Variants in NOS1 observed in about 807,000 individuals in gnomAD.
The protein encoded by NOS1 is NOS type I.
NOS1 carries 51 observed loss-of-function variants against 164.5 expected under a neutral mutation model. The observed-to-expected ratio is 0.31, with a 90% confidence interval of 0.25 to 0.39. The LOEUF is 0.39. NOS1 is among the 10% of genes least tolerant of loss of function. The pLI, the probability that NOS1 is intolerant of heterozygous loss-of-function variation, is 1.00. For synonymous variants in NOS1, 719 were observed against 745.8 expected (o/e 0.96, Z 0.59); for missense variants, 1,362 against 1,885.6 (o/e 0.72, Z 5.14).
At chr12:117,344,326 T>C (rs542022451) in intron 1 of NOS1, among the ~76,000 whole-genome samples, 1 of 152,364 alleles carries the variant, frequency 6.6e-6, no homozygotes, top group East Asian at 1.9e-4. Flanking sequence ...TCACACTGAG[T>C]ACTTATTAGG....
intron 28 of NOS1, 146 bp downstream of exon 28, chr12:117,217,900 G>A: frequency 1.4e-6 from 1 of 691,146 alleles, no homozygotes. Flanking sequence ...GGGTGGTCTG[G>A]GAATTTGCAT....
intron 1 of NOS1, among the ~76,000 whole-genome samples, chr12:117,335,729 TGAGAGAGAGAGAGAGAGAGAGAGAGAGA>T (rs60613906): frequency 8.9e-6 from 1 of 112,540 alleles, no homozygotes; most frequent in Non-Finnish European, 1.8e-5. Context: ...ACAGACTATA[TGAGAGAGAGAGAGAGAGAGAGAGAGAGA>T]GAGAGAGAGA....
At chr12:117,354,352 C>A (rs1239728565) in intron 1 of NOS1, among the ~76,000 whole-genome samples, 2 of 152,170 alleles carry the variant, frequency 1.3e-5, no homozygotes, top group Non-Finnish European at 2.9e-5. Flanking sequence ...ATTTCAGTGA[C>A]TACCATGATA....
intron 7 of NOS1, among the ~76,000 whole-genome samples, chr12:117,281,274 C>A (rs1592983815): frequency 1.3e-5 from 2 of 152,286 alleles, no homozygotes; most frequent in Non-Finnish European, 2.9e-5. Context: ...ATAATCCCAG[C>A]ACTTTGGGAG....
chr12:117,336,208 T>A (rs1206204334), intron 1 of NOS1, among the ~76,000 whole-genome samples: 2 of 152,176 alleles, frequency 1.3e-5, no homozygotes, highest in African/African-American at 4.8e-5. Flanking sequence ...ATTGCCCCAT[T>A]TTATAGATGA....
At chr12:117,215,483 C>T (rs1956592753) in intron 28 of NOS1, among the ~76,000 whole-genome samples, 159 bp from the exon 29 acceptor site, 2 of 151,114 alleles carry the variant, frequency 1.3e-5, no homozygotes, top group African/African-American at 2.4e-5. Flanking sequence ...GTCACCCAGG[C>T]TGGAGTGCAG....
At chr12:117,349,417 T>C (rs1204500311) in intron 1 of NOS1, among the ~76,000 whole-genome samples, 1 of 152,212 alleles carries the variant, frequency 6.6e-6, no homozygotes, top group East Asian at 1.9e-4. Context: ...TCGTGAATAG[T>C]GCTATGAACA....
At position 117,226,744 on chromosome 12, in the gene NOS1, C is replaced by T. The variant is rs1203051931; in HGVS notation, c.3643G>A (p.Val1215Ile). The change falls in exon 24 of 29, where the codon GTA becomes ATA. Residue 1215 changes from valine (V) to isoleucine (I), a missense_variant. By Grantham distance (29) the Val-to-Ile change is conservative. Coordinates refer to ENST00000317775, the MANE Select transcript of NOS1 (RefSeq NM_000620.5). ...ATCCGGTTGAGCCAGGAGGAGCATA[C>T]GCCGTGGTGAATTGGTCCTTCTCCA... is the stretch of plus-strand genomic sequence containing the variant. The part of the protein sequence containing the change: ...RDGEGPIHHG[V>I]CSSWLNRIQA... 24 of 1,613,898 alleles carry T rather than the reference C, an allele frequency of 1.5e-5. No homozygotes were observed. Among genetic ancestry groups the T allele is most frequent in the Non-Finnish European group, 1.8e-5 (21 of 1,179,938 alleles).
intron 3 of NOS1, among the ~76,000 whole-genome samples, chr12:117,293,699 T>C (rs548335552): frequency 6.6e-6 from 1 of 151,518 alleles, no homozygotes; most frequent in Admixed American, 6.6e-5. Flanking sequence ...ATTACTTGTA[T>C]TACTATTATT....
Position 117,209,086 on chromosome 12 carries a change from C to G in NOS1, c.*6223G>C, listed in dbSNP as rs1009376669. ...CCCCTCCCCCGGACACCCTCAAATC[C>G]CACTTTGGCAGCAGATAATGGAAAC... On this transcript the variant is annotated 3_prime_UTR_variant, in exon 29 of 29. Coordinates refer to ENST00000317775, the MANE Select transcript of NOS1 (RefSeq NM_000620.5). 5 of 985,228 alleles carry G rather than the reference C, an allele frequency of 5.1e-6. No homozygotes were observed. Among genetic ancestry groups the G allele is most frequent in the Non-Finnish European group, 6.0e-6 (5 of 829,944 alleles). The allele number at this position is 985,228 out of a possible 1,614,324, so 61.0% of individuals were successfully genotyped here. A position where few individuals can be genotyped will look rare whatever the true frequency, so the allele number is the denominator to read the frequency against.
intron 17 of NOS1, among the ~76,000 whole-genome samples, chr12:117,250,154 G>A (rs533244612): frequency 6.6e-6 from 1 of 152,154 alleles, no homozygotes; most frequent in East Asian, 1.9e-4. Flanking sequence ...TGAACTTGGG[G>A]TGGGTCCAGG....
chr12:117,335,588 C>T (rs1875768486), intron 1 of NOS1, among the ~76,000 whole-genome samples: 1 of 152,122 alleles, frequency 6.6e-6, no homozygotes, highest in Non-Finnish European at 1.5e-5. Context: ...TTGGCCAAGT[C>T]CCTCTCCACC....
intron 9 of NOS1, among the ~76,000 whole-genome samples, chr12:117,274,640 C>T (rs544625685): frequency 2.0e-5 from 3 of 151,896 alleles, no homozygotes; most frequent in South Asian, 4.2e-4. Context: ...CGTGGTGGTT[C>T]GTGCCTGTAA....
intron 20 of NOS1, among the ~76,000 whole-genome samples, chr12:117,241,227 C>T (rs543218220): frequency 1.6e-4 from 25 of 152,118 alleles, no homozygotes; most frequent in Admixed American, 5.9e-4. Context: ...TGTGAGCCAC[C>T]GTGCCTGGCC....
chr12:117,232,260 C>G (rs928722323), intron 21 of NOS1, 129 bp from the exon 22 acceptor site: 3 of 729,116 alleles, frequency 4.1e-6, no homozygotes, highest in Admixed American at 2.7e-5. Context: ...AAGCAACCTT[C>G]TAGCTCTCCA....
At position 117,231,999 on chromosome 12, in the gene NOS1, C is replaced by G; in HGVS notation, c.3368G>C (p.Ser1123Thr). Residue 1123 changes from serine (S) to threonine (T), a missense_variant, in exon 22 of 29, where the codon AGC becomes ACC. Physicochemically the swap from Ser to Thr is moderately conservative, Grantham distance 58 (BLOSUM62 1). This residue lies in a region of NOS1 where 737 missense variants were observed against 1,030.3 expected (regional missense o/e 0.72). Transcript: ENST00000317775. ...QLQQFASLAT[S>T]EKEKQRLLVL... ...CAGCAGACGCTGCTTCTCCTTCTCG[C>G]TGGTAGCTAGGGAGGCAAACTGCTG... 6.2e-7 allele frequency: 1 copy of G among 1,612,956 alleles called. No homozygotes were observed. The highest frequency in any genetic ancestry group is 2.2e-5 in the East Asian group (1 of 44,880).
chr12:117,296,565 C>G (rs1001050808), intron 3 of NOS1, among the ~76,000 whole-genome samples: 6 of 152,182 alleles, frequency 3.9e-5, no homozygotes, highest in Non-Finnish European at 5.9e-5. Context: ...AGCTTTGGGA[C>G]TCGGGCTGGC....
chr12:117,291,105 T>G (rs1318057114), intron 3 of NOS1, among the ~76,000 whole-genome samples: 2 of 151,944 alleles, frequency 1.3e-5, no homozygotes, highest in Non-Finnish European at 2.9e-5. Flanking sequence ...TCTCAGCTAC[T>G]TGGGAGGCTG....
chr12:117,223,521 A>C (rs1045024637), intron 25 of NOS1, among the ~76,000 whole-genome samples: 2 of 151,144 alleles, frequency 1.3e-5, no homozygotes, highest in Non-Finnish European at 2.9e-5. Flanking sequence ...TGGCCTCCCA[A>C]AGTGTTAGGA....
Sources: gnomAD v4.1 joint callset for allele counts (sites outside exome capture counted in the v4.1 genomes callset) on GRCh38, gnomAD v4.1.1 for gene constraint, gnomAD v4.1.1 regional missense constraint, MANE v1.5 for transcripts, NCBI Gene and HGNC (gene_info 2026-07-23, HGNC 2026-07-21) for gene names.